HELZ: variants seen among roughly 807,000 people sequenced by gnomAD.
The protein encoded by HELZ is ATP-dependent RNA helicase with zinc finger domain.
In HELZ, 23 loss-of-function variants were observed where a neutral mutation model predicts 218.2. The observed-to-expected ratio is 0.11, with a 90% CI of 0.08 to 0.15. The LOEUF (loss-of-function observed/expected upper bound fraction) is 0.15. Ranked by LOEUF, HELZ falls within the 10% of genes least tolerant of loss-of-function variation. The pLI is 1.00. For missense variants in HELZ, 1,813 were observed against 2,353.7 expected (o/e 0.77, Z 4.75); for synonymous variants, 814 against 829.4 (o/e 0.98, Z 0.32).
intron 31 of HELZ, among the ~76,000 whole-genome samples, chr17:67,097,366 A>G (rs960806904): frequency 6.6e-6 from 1 of 152,240 alleles, no homozygotes; most frequent in South Asian, 2.1e-4. Flanking sequence ...TGTAAAAACT[A>G]TAATATCTGT....
In HELZ at chr17:67,118,692, CAAAA is replaced by C. The variant is rs142101119; in HGVS notation, c.3838+1709_3838+1712del. 8.2e-4 allele frequency among the ~76,000 whole-genome samples: 37 copies of C among 44,914 alleles called. 1 individual carries two copies. The highest frequency in any genetic ancestry group is 3.4e-3 in the African/African-American group (36 of 10,650). The allele number at this position is 44,914 out of a possible 152,430, so 29.5% of individuals were successfully genotyped here. A position where few individuals can be genotyped will look rare whatever the true frequency, so the allele number is the denominator to read the frequency against. ...ACAGCAAGACTCTGTCTTTAAAAGG[CAAAA>C]AAAAAAAAAAAAAAAAAAAGGCAAG... On this transcript the variant is annotated intron_variant, in intron 27 of 32. Transcript: ENST00000358691.
chr17:67,137,258 C>G (rs1317900137), intron 22 of HELZ, among the ~76,000 whole-genome samples: 1 of 152,174 alleles, frequency 6.6e-6, no homozygotes, highest in African/African-American at 2.4e-5. Context: ...CTAGTTTTCT[C>G]ATGGCAGTGT....
At chr17:67,113,308 G>A (rs1598250069) in intron 28 of HELZ, among the ~76,000 whole-genome samples, 1 of 151,892 alleles carries the variant, frequency 6.6e-6, no homozygotes, top group African/African-American at 2.4e-5. Flanking sequence ...CGCCCTGGTT[G>A]GAGTGCAGTG....
At chr17:67,146,377 C>T (rs185005663) in intron 20 of HELZ, among the ~76,000 whole-genome samples, 61 of 152,300 alleles carry the variant, frequency 4.0e-4, no homozygotes, top group Non-Finnish European at 6.9e-4. Context: ...CTACAGTATT[C>T]AGTACAGTAG....
At chr17:67,231,900 A>C (rs961209155) in intron 3 of HELZ, among the ~76,000 whole-genome samples, 4 of 151,004 alleles carry the variant, frequency 2.6e-5, no homozygotes, top group African/African-American at 4.9e-5. Flanking sequence ...TAAAAATACA[A>C]AACTTAACCA....
chr17:67,099,230 C>T (rs1294591731), intron 31 of HELZ, among the ~76,000 whole-genome samples: 4 of 152,004 alleles, frequency 2.6e-5, no homozygotes, highest in Admixed American at 6.6e-5. Flanking sequence ...GTGAGTATTC[C>T]TTCTACATAC....
chr17:67,173,115 A>C, intron 13 of HELZ: 6 of 770,538 alleles, frequency 7.8e-6, no homozygotes, highest in Non-Finnish European at 9.5e-6. Context: ...AAGTCCTAAG[A>C]AATGCAGCTT....
chr17:67,160,840 C>A, intron 16 of HELZ, 57 bp downstream of exon 16: 3 of 1,274,794 alleles, frequency 2.4e-6, no homozygotes, highest in Non-Finnish European at 3.2e-6. Flanking sequence ...GTATTTAAAA[C>A]AAGAACAGAG....
intron 23 of HELZ, among the ~76,000 whole-genome samples, chr17:67,134,929 T>C (rs1265189780): frequency 6.6e-6 from 1 of 152,096 alleles, no homozygotes; most frequent in African/African-American, 2.4e-5. Flanking sequence ...ATCCCTAGTG[T>C]ATTTCTTTCT....
chr17:67,146,303 T>C (rs1470329377), intron 20 of HELZ, among the ~76,000 whole-genome samples: 3 of 152,224 alleles, frequency 2.0e-5, no homozygotes, highest in Non-Finnish European at 4.4e-5. Flanking sequence ...ATCATAGTAC[T>C]GTATTTTAAC....
intron 13 of HELZ, among the ~76,000 whole-genome samples, chr17:67,169,098 T>TA (rs1033209287): frequency 2.7e-5 from 4 of 149,412 alleles, no homozygotes; most frequent in South Asian, 2.1e-4. Context: ...GTCCCCAAAT[T>TA]AAAAAAAAAG....
intron 20 of HELZ, among the ~76,000 whole-genome samples, chr17:67,147,535 C>T (rs34722237): frequency 0.11 from 16,147 of 152,012 alleles, 1,105 homozygotes; most frequent in South Asian, 0.15. Context: ...TGGAGTGCAA[C>T]GGCATGATCA....
At chr17:67,215,716 G>C in intron 5 of HELZ, 183 bp downstream of exon 5, 2 of 619,992 alleles carry the variant, frequency 3.2e-6, no homozygotes, top group Non-Finnish European at 5.9e-6. Flanking sequence ...ACATTCATGA[G>C]TAAGAGCAAT....
At chr17:67,145,945 C>T in intron 20 of HELZ, 55 bp from the exon 21 acceptor site, 1 of 1,497,616 alleles carries the variant, frequency 6.7e-7, no homozygotes, top group East Asian at 2.5e-5. Context: ...AAATTAATTT[C>T]ACCCATAAGA....
At chr17:67,176,214 C>T (rs965332692) in intron 13 of HELZ, 6 of 152,108 alleles carry the variant, frequency 3.9e-5, no homozygotes, top group African/African-American at 9.7e-5. Flanking sequence ...TTTTTATACA[C>T]AAATACATAC....
chr17:67,077,498 A>C lies in HELZ; in HGVS notation c.*754T>G, dbSNP rs1013278067. The C allele has an allele frequency of 5.9e-5, 9 of 151,454 alleles. No homozygotes were observed. Among genetic ancestry groups the C allele is most frequent in the African/African-American group, 1.7e-4 (7 of 40,952 alleles). The allele number at this position is 151,454 out of a possible 1,614,324, so 9.4% of individuals were successfully genotyped here. On this transcript the variant is annotated 3_prime_UTR_variant, in exon 33 of 33. Coordinates refer to ENST00000358691, the MANE Select transcript of HELZ (RefSeq NM_014877.4). ...CTTCTTGATTTGTTTAAAAAAAAAA[A>C]CACACACTATCAAATTAACATTAAA...
At chr17:67,167,892 A>C (rs2039194078) in intron 13 of HELZ, 96 bp from the exon 14 acceptor site, 2 of 826,492 alleles carry the variant, frequency 2.4e-6, no homozygotes, top group African/African-American at 3.5e-5. Context: ...TAAACATACC[A>C]AAAATTAAAC....
intron 32 of HELZ, 110 bp from the exon 33 acceptor site, chr17:67,078,696 A>T (rs1328668121): frequency 4.4e-6 from 3 of 674,866 alleles, no homozygotes; most frequent in African/African-American, 3.7e-5. Flanking sequence ...ACTCAAGGAC[A>T]GTATAGCCAC....
rs2035933982 is a variant in HELZ, at chr17:67,073,060, T to A, written c.*5192A>T. The A allele has an allele frequency of 6.6e-6, 1 of 152,202 alleles. No homozygotes were observed. The highest frequency in any genetic ancestry group is 1.5e-5 in the Non-Finnish European group (1 of 68,034). The allele number at this position is 152,202 out of a possible 1,614,324, so 9.4% of individuals were successfully genotyped here. A position where few individuals can be genotyped will look rare whatever the true frequency, so the allele number is the denominator to read the frequency against. On this transcript the variant is annotated 3_prime_UTR_variant, in exon 33 of 33. Coordinates refer to ENST00000358691, the MANE Select transcript of HELZ (RefSeq NM_014877.4). ...ACCATTGCTCCATCCTGTTCACAAT[T>A]CTCAAATCTTAAAACAGGACAGATC...
Sources: gnomAD v4.1 joint callset for allele counts (sites outside exome capture counted in the v4.1 genomes callset) on GRCh38, gnomAD v4.1.1 for gene constraint, MANE v1.5 for transcripts, NCBI Gene and HGNC (gene_info 2026-07-23, HGNC 2026-07-21) for gene names.